Variants in GULP1 observed in about 807,000 individuals in gnomAD.
GULP1 encodes the protein PTB domain-containing engulfment adapter protein 1.
A neutral mutation model predicts 40.9 loss-of-function variants in GULP1; 19 were observed. The observed-to-expected ratio is 0.46, with a 90% CI of 0.32 to 0.68. GULP1 has a LOEUF of 0.68. GULP1 is among the 30% of genes least tolerant of loss of function. The probability of loss-of-function intolerance (pLI) is 0.03; values close to 1 mark genes in which losing one functional copy is unlikely to be tolerated. For synonymous variants in GULP1, 119 were observed against 117.6 expected, an observed-to-expected ratio of 1.01 and a Z score of -0.08; for missense variants, 312 against 362.2, an observed-to-expected ratio of 0.86 and a Z score of 1.12.
intron 2 of GULP1, among the ~76,000 whole-genome samples, chr2:188,453,884 T>C (rs1301276887): frequency 6.6e-6 from 1 of 152,216 alleles, no homozygotes; most frequent in African/African-American, 2.4e-5. Context: ...TTGCTAGTTC[T>C]GTAGATGCTA....
intron 1 of GULP1, among the ~76,000 whole-genome samples, chr2:188,328,691 G>A (rs148939329): frequency 1.1e-4 from 17 of 152,030 alleles, no homozygotes; most frequent in Non-Finnish European, 2.5e-4. Context: ...CATACAATGA[G>A]TTCTAAATGT....
At chr2:188,445,676 A>G (rs1257067204) in intron 2 of GULP1, among the ~76,000 whole-genome samples, 2 of 152,200 alleles carry the variant, frequency 1.3e-5, no homozygotes, top group Non-Finnish European at 2.9e-5. Context: ...GTCCACAACT[A>G]GTTTTTAGTG....
intron 2 of GULP1, among the ~76,000 whole-genome samples, chr2:188,425,206 A>G (rs565284710): frequency 6.6e-6 from 1 of 152,216 alleles, no homozygotes; most frequent in South Asian, 2.1e-4. Flanking sequence ...TAATTAGATG[A>G]TTCTTTCCCT....
chr2:188,577,687 G>GT (rs1700424040), intron 9 of GULP1, among the ~76,000 whole-genome samples: 1 of 152,060 alleles, frequency 6.6e-6, no homozygotes, highest in Non-Finnish European at 1.5e-5. Flanking sequence ...TGTGAAAACT[G>GT]TAAGATAGTA....
intron 1 of GULP1, among the ~76,000 whole-genome samples, chr2:188,309,191 C>T (rs2037652510): frequency 6.6e-6 from 1 of 152,136 alleles, no homozygotes; most frequent in Non-Finnish European, 1.5e-5. Context: ...ATTGGCTAGG[C>T]TTGGTGGCTC....
At chr2:188,477,777 T>TA (rs1559287295) in intron 3 of GULP1, 47 bp downstream of exon 3, 1 of 1,415,772 alleles carries the variant, frequency 7.1e-7, no homozygotes, top group Non-Finnish European at 9.8e-7. Context: ...CCAATGTTGC[T>TA]ATGAACATAA....
At chr2:188,483,830 C>G (rs2061629954) in intron 4 of GULP1, among the ~76,000 whole-genome samples, 1 of 152,002 alleles carries the variant, frequency 6.6e-6, no homozygotes, top group South Asian at 2.1e-4. Context: ...CATTATACAA[C>G]CTAAATATAA....
At chr2:188,358,016 T>TA (rs1045582459) in intron 1 of GULP1, among the ~76,000 whole-genome samples, 6 of 151,668 alleles carry the variant, frequency 4.0e-5, no homozygotes, top group African/African-American at 9.7e-5. Context: ...CTGTCTCTAC[T>TA]AAAAAAAATA....
intron 3 of GULP1, among the ~76,000 whole-genome samples, chr2:188,478,911 G>A (rs780716428): frequency 5.3e-5 from 8 of 152,076 alleles, no homozygotes; most frequent in Non-Finnish European, 1.0e-4. Flanking sequence ...ACATAGTAAC[G>A]TGCCCAGATG....
At chr2:188,299,581 T>G (rs1443221345) in intron 1 of GULP1, among the ~76,000 whole-genome samples, 5 of 152,236 alleles carry the variant, frequency 3.3e-5, no homozygotes, top group Non-Finnish European at 7.3e-5. Context: ...GATTCTGATA[T>G]GATACAGTTG....
At chr2:188,513,893 T>A (rs2064876516) in intron 4 of GULP1, among the ~76,000 whole-genome samples, 1 of 151,988 alleles carries the variant, frequency 6.6e-6, no homozygotes, top group Non-Finnish European at 1.5e-5. Flanking sequence ...AGAAAAAAAA[T>A]ATCAGTTCCC....
At chr2:188,380,940 A>C (rs993493868) in intron 1 of GULP1, among the ~76,000 whole-genome samples, 1 of 152,150 alleles carries the variant, frequency 6.6e-6, no homozygotes, top group African/African-American at 2.4e-5. Flanking sequence ...AGTTTTAGTA[A>C]AGAAATAGTT....
At chr2:188,401,616 G>A (rs531349438) in intron 2 of GULP1, among the ~76,000 whole-genome samples, 3 of 152,196 alleles carry the variant, frequency 2.0e-5, no homozygotes, top group Admixed American at 1.3e-4. Context: ...GGAGAAAAAG[G>A]ATTATACCAT....
At chr2:188,501,530 A>C (rs1036397888) in intron 4 of GULP1, among the ~76,000 whole-genome samples, 17 of 151,958 alleles carry the variant, frequency 1.1e-4, no homozygotes, top group African/African-American at 4.1e-4. Context: ...CGTAGTGTTC[A>C]AGTACAGATG....
intron 1 of GULP1, among the ~76,000 whole-genome samples, chr2:188,296,246 G>A (rs763489862): frequency 6.6e-6 from 1 of 151,964 alleles, no homozygotes; most frequent in Non-Finnish European, 1.5e-5. Context: ...TGGAGAAATC[G>A]CTTCACTTTC....
At chr2:188,346,815 A>G (rs1313368909) in intron 1 of GULP1, among the ~76,000 whole-genome samples, 2 of 151,970 alleles carry the variant, frequency 1.3e-5, no homozygotes, top group East Asian at 3.9e-4. Flanking sequence ...AACTAAAAAT[A>G]CAAAAATTAG....
At chr2:188,553,641 C>G (rs1254431654) in intron 7 of GULP1, among the ~76,000 whole-genome samples, 1 of 151,864 alleles carries the variant, frequency 6.6e-6, no homozygotes, top group Non-Finnish European at 1.5e-5. Context: ...GTATCCTTAT[C>G]TGGTTTTGTT....
chr2:188,537,294 C>T (rs181082092), intron 6 of GULP1, among the ~76,000 whole-genome samples: 4 of 151,926 alleles, frequency 2.6e-5, no homozygotes, highest in South Asian at 2.1e-4. Flanking sequence ...CAGCTTTTGC[C>T]GGTTCAGTAT....
intron 1 of GULP1, among the ~76,000 whole-genome samples, chr2:188,314,409 G>C (rs1000052286): frequency 6.6e-6 from 1 of 152,020 alleles, no homozygotes; most frequent in African/African-American, 2.4e-5. Flanking sequence ...TAGTGTCCTA[G>C]ATCTTTATCC....
Sources: allele counts gnomAD v4.1 joint callset (sites outside exome capture counted in the v4.1 genomes callset), GRCh38; gene constraint gnomAD v4.1.1; transcripts MANE v1.5; gene names NCBI Gene and HGNC (gene_info 2026-07-23, HGNC 2026-07-21).